The following SRP54 variants were observed in gnomAD, a reference collection of about 807,000 sequenced individuals.
SRP54 encodes signal recognition particle 54, also known as signal recognition particle subunit SRP54.
A neutral mutation model predicts 64.8 loss-of-function variants in SRP54; 10 were observed. The observed-to-expected ratio is 0.15, with a 90% confidence interval of 0.10 to 0.26. The LOEUF (loss-of-function observed/expected upper bound fraction) is 0.26. Among genes scored for constraint, SRP54 ranks in the 10% least tolerant of loss-of-function variants. SRP54 has a pLI of 1.00. For missense variants in SRP54, 325 were observed against 613.7 expected (o/e 0.53, Z 4.97); for synonymous variants, 193 against 185.6 (o/e 1.04, Z -0.32).
chr14:35,027,443 G>A (rs1461997905), intron 14 of SRP54, among the ~76,000 whole-genome samples: 3 of 152,054 alleles, frequency 2.0e-5, no homozygotes, highest in South Asian at 2.1e-4. Context: ...CTATTAAGCC[G>A]TTGTTATAGC....
At chr14:34,988,360 G>A (rs1327342170) in intron 1 of SRP54, among the ~76,000 whole-genome samples, 1 of 150,526 alleles carries the variant, frequency 6.6e-6, no homozygotes, top group African/African-American at 2.4e-5. Context: ...TCAAGAGGTC[G>A]AGACCATCCT....
At chr14:34,996,997 CA>C (rs200393534) in intron 2 of SRP54, 472 of 377,180 alleles carry the variant, frequency 1.3e-3, no homozygotes, top group African/African-American at 3.6e-3. Flanking sequence ...AAGAATTTTC[CA>C]AAAAAAAATC....
At chr14:34,984,627 G>A (rs911774000) in intron 1 of SRP54, among the ~76,000 whole-genome samples, 2 of 152,058 alleles carry the variant, frequency 1.3e-5, no homozygotes, top group African/African-American at 4.8e-5. Context: ...TCAGCCTTCC[G>A]AGTAGCTGGG....
At chr14:35,007,235 A>G (rs1305471425) in intron 4 of SRP54, 48 bp from the exon 5 acceptor site, 1 of 1,313,848 alleles carries the variant, frequency 7.6e-7, no homozygotes, top group East Asian at 2.5e-5. Flanking sequence ...TTTTGAATTT[A>G]TATGTATGTT....
intron 2 of SRP54, among the ~76,000 whole-genome samples, chr14:34,998,812 ACT>A (rs759395247): frequency 8.6e-4 from 130 of 150,360 alleles, no homozygotes; most frequent in Non-Finnish European, 1.7e-3. Flanking sequence ...AAACTCTGAA[ACT>A]CTGTTCCAAA....
At chr14:35,001,557 T>C (rs2044173635) in intron 4 of SRP54, among the ~76,000 whole-genome samples, 1 of 152,064 alleles carries the variant, frequency 6.6e-6, no homozygotes, top group African/African-American at 2.4e-5. Context: ...ATGCGATGAG[T>C]GAAATTTCAC....
intron 4 of SRP54, among the ~76,000 whole-genome samples, chr14:35,005,954 C>T (rs2044251022): frequency 6.6e-6 from 1 of 152,126 alleles, no homozygotes; most frequent in African/African-American, 2.4e-5. Flanking sequence ...ATTCTCCTGC[C>T]TCAGCCTTCA....
At chr14:35,006,917 A>G (rs540303923) in intron 4 of SRP54, among the ~76,000 whole-genome samples, 3 of 152,322 alleles carry the variant, frequency 2.0e-5, no homozygotes, top group African/African-American at 7.2e-5. Flanking sequence ...TTGTGGCAGC[A>G]CAGTGGCTCA....
Position 35,011,389 on chromosome 14 carries a change from T to C in SRP54, c.486-120T>C, listed in dbSNP as rs986723312. ...TAATACTTTATAGATTTTCCTCTTC[T>C]AAATTGAAATTGGGGTCATTTTGGC... On this transcript the variant is annotated intron_variant, in intron 7 of 15. Coordinates refer to ENST00000216774, the MANE Select transcript of SRP54 (RefSeq NM_003136.4). 31 of 657,678 alleles carry C rather than the reference T, an allele frequency of 4.7e-5. No homozygotes were observed. In the East Asian group the frequency reaches 8.7e-4, roughly 19 times the overall value. 40.7% of individuals were successfully genotyped at this position (657,678 alleles called of 1,614,324 possible). A position where few individuals can be genotyped will look rare whatever the true frequency, so the allele number is the denominator to read the frequency against.
intron 13 of SRP54, among the ~76,000 whole-genome samples, chr14:35,019,890 T>G (rs558138975): frequency 2.0e-4 from 31 of 152,244 alleles, no homozygotes; most frequent in African/African-American, 7.5e-4. Flanking sequence ...TAAAAATAGT[T>G]GATTGTTGGC....
intron 11 of SRP54, among the ~76,000 whole-genome samples, chr14:35,015,720 T>G (rs904075015): frequency 4.6e-5 from 7 of 152,238 alleles, no homozygotes; most frequent in Non-Finnish European, 7.3e-5. Flanking sequence ...CCAGTTGTTC[T>G]AAAAATAATC....
intron 7 of SRP54, among the ~76,000 whole-genome samples, chr14:35,010,795 A>G (rs1295105858): frequency 6.6e-6 from 1 of 151,702 alleles, no homozygotes. Flanking sequence ...ATAAAAATTA[A>G]AAAAAAAATT....
chr14:35,027,375 T>TAA (rs2044648734), intron 14 of SRP54, among the ~76,000 whole-genome samples: 1 of 152,132 alleles, frequency 6.6e-6, no homozygotes, highest in Non-Finnish European at 1.5e-5. Context: ...ATCCAGTCTC[T>TAA]TTGCTAATTA....
At chr14:34,986,372 ACTT>A (rs2043896102) in intron 1 of SRP54, among the ~76,000 whole-genome samples, 1 of 152,126 alleles carries the variant, frequency 6.6e-6, no homozygotes, top group Admixed American at 6.6e-5. Flanking sequence ...AGGAATTAGA[ACTT>A]CTCTCATGCT....
At chr14:34,985,038 A>G (rs1282827304) in intron 1 of SRP54, among the ~76,000 whole-genome samples, 1 of 152,106 alleles carries the variant, frequency 6.6e-6, no homozygotes, top group Non-Finnish European at 1.5e-5. Flanking sequence ...AATTTTTAAA[A>G]GGATTATAAG....
Position 34,991,124 on chromosome 14 carries a change from T to G in SRP54, c.-33-5553T>G, listed in dbSNP as rs866836319. The stretch of plus-strand genomic sequence containing the variant: ...AATTTCTTTTCTTTTTTTTTTTTTT[T>G]TTTTTGTTGTTGTTGTTGTTGTTGA... On this transcript the variant is annotated intron_variant, in intron 1 of 15. Transcript: ENST00000216774. 1.7e-4 allele frequency among the ~76,000 whole-genome samples: 17 copies of G among 102,394 alleles called. No homozygotes were observed. In the South Asian group the frequency reaches 3.9e-3, roughly 23 times the overall value. The allele number at this position is 102,394 out of a possible 152,430, so 67.2% of individuals were successfully genotyped here.
chr14:35,016,662 A>G (rs768446538), intron 11 of SRP54, among the ~76,000 whole-genome samples: 1 of 152,140 alleles, frequency 6.6e-6, no homozygotes, highest in Non-Finnish European at 1.5e-5. Context: ...TATATTATTC[A>G]GCACAATTAT....
At position 35,020,496 on chromosome 14, in the gene SRP54, T is replaced by C. The variant is rs544340692; in HGVS notation, c.1156+1422T>C. 2.0e-5 allele frequency among the ~76,000 whole-genome samples: 3 copies of C among 152,374 alleles called. No homozygotes were observed. The East Asian group carries it at 5.8e-4, about 29-fold the overall frequency. Reference sequence around the variant, plus strand: ...TGGAGTCAGTTCTGTCAAACCCTGCTGCTGCTGCTTTATCAACTAAGTTTA... The same window carrying C: ...TGGAGTCAGTTCTGTCAAACCCTGCCGCTGCTGCTTTATCAACTAAGTTTA... On this transcript the variant is annotated intron_variant, in intron 13 of 15. Transcript: ENST00000216774.
intron 1 of SRP54, among the ~76,000 whole-genome samples, chr14:34,993,904 A>G (rs2044023405): frequency 6.6e-6 from 1 of 152,094 alleles, no homozygotes; most frequent in Non-Finnish European, 1.5e-5. Context: ...CATTTTGGTC[A>G]GGGTGGTCTC....
Sources: allele counts gnomAD v4.1 joint callset (sites outside exome capture counted in the v4.1 genomes callset), GRCh38; gene constraint gnomAD v4.1.1; transcripts MANE v1.5; gene names NCBI Gene and HGNC (gene_info 2026-07-23, HGNC 2026-07-21).